The following CES4A variants were observed in gnomAD, a reference collection of about 807,000 sequenced individuals.
CES4A encodes the protein carboxylesterase 6.
Under a neutral mutation model 65.4 loss-of-function variants are expected in CES4A, and 48 were observed. That is an observed-to-expected ratio of 0.73 (90% CI 0.58 to 0.93). The LOEUF is 0.93. Ranked by LOEUF, CES4A falls within the 40% of genes least tolerant of loss-of-function variation. CES4A has a pLI of 0.00. For missense variants in CES4A, 685 were observed against 728.5 expected, an observed-to-expected ratio of 0.94 and a Z score of 0.69; for synonymous variants, 247 against 281.8, an observed-to-expected ratio of 0.88 and a Z score of 1.24.
At chr16:67,004,563 A>G (rs1965604816) in intron 9 of CES4A, among the ~76,000 whole-genome samples, 1 of 152,100 alleles carries the variant, frequency 6.6e-6, no homozygotes, top group African/African-American at 2.4e-5. Context: ...AGATGCCCCA[A>G]CTCAGGATGG....
intron 1 of CES4A, among the ~76,000 whole-genome samples, chr16:66,989,586 A>G (rs1964213442): frequency 6.6e-6 from 1 of 151,992 alleles, no homozygotes; most frequent in South Asian, 2.1e-4. Context: ...TTTTTAACTT[A>G]CAAGGATACA....
rs1045431498 is a variant in CES4A, at chr16:66,988,637, C to G, written c.-136C>G. Reference sequence around the variant, plus strand: ...AGAAGCTGGTTACAATTCCTCCCGCCCCAGTACTTGCTGGCAGGGATTAAG... The same window carrying G: ...AGAAGCTGGTTACAATTCCTCCCGCGCCAGTACTTGCTGGCAGGGATTAAG... On this transcript the variant is annotated 5_prime_UTR_variant, in exon 1 of 14. Coordinates refer to ENST00000648724, the Ensembl canonical transcript of CES4A. 12 of 1,495,120 alleles carry G rather than the reference C, an allele frequency of 8.0e-6. No individual in the cohort carries two copies. The African/African-American group carries it at 1.7e-4, about 21-fold the overall frequency. The allele number at this position is 1,495,120 out of a possible 1,614,324, so 92.6% of individuals were successfully genotyped here.
At chr16:67,008,722 T>A (rs542381806) in intron 13 of CES4A, 1 of 431,322 alleles carries the variant, frequency 2.3e-6, no homozygotes, top group African/African-American at 2.0e-5. Flanking sequence ...TGTTTTTACC[T>A]AACTCTTGAC....
chr16:66,994,277 C>T (rs1165512028), intron 1 of CES4A, among the ~76,000 whole-genome samples: 1 of 147,118 alleles, frequency 6.8e-6, no homozygotes. Context: ...CACTCTGTTG[C>T]CCAGGCTGGA....
At chr16:66,993,228 A>G (rs1964534391) in intron 1 of CES4A, among the ~76,000 whole-genome samples, 1 of 152,200 alleles carries the variant, frequency 6.6e-6, no homozygotes, top group African/African-American at 2.4e-5. Context: ...TGTGCGTGTA[A>G]TAAGTATGCT....
chr16:67,002,463 G>T (rs1233844328), intron 5 of CES4A, among the ~76,000 whole-genome samples: 1 of 152,130 alleles, frequency 6.6e-6, no homozygotes, highest in Admixed American at 6.6e-5. Flanking sequence ...TCTAAAGCAG[G>T]GGCAGGAAAG....
At chr16:67,005,148 TG>T in intron 10 of CES4A, 91 bp from the exon 11 acceptor site, 2 of 1,364,812 alleles carry the variant, frequency 1.5e-6, no homozygotes, top group Non-Finnish European at 2.1e-6. Flanking sequence ...CAAAAACTCC[TG>T]GGGGGCTGAG....
intron 2 of CES4A, among the ~76,000 whole-genome samples, chr16:66,999,806 A>G (rs757436122): frequency 6.6e-6 from 1 of 152,186 alleles, no homozygotes; most frequent in Non-Finnish European, 1.5e-5. Context: ...GTCTCAAAAA[A>G]ATAAGTGGAC....
chr16:67,002,403 G>A (rs547036391), intron 5 of CES4A, among the ~76,000 whole-genome samples: 1 of 152,314 alleles, frequency 6.6e-6, no homozygotes, highest in Admixed American at 6.5e-5. Context: ...GCTACTGGGA[G>A]GGGCAGGGAT....
At chr16:66,995,885 G>T (rs1454593656) in intron 2 of CES4A, 56 bp downstream of exon 2, 2 of 1,514,868 alleles carry the variant, frequency 1.3e-6, no homozygotes, top group African/African-American at 1.4e-5. Flanking sequence ...GCCTGCATCT[G>T]GGTGGGGCTT....
At chr16:67,004,309 GCTGGGCA>G in intron 9 of CES4A, 85 bp downstream of exon 9, 1 of 1,494,426 alleles carries the variant, frequency 6.7e-7, no homozygotes, top group Admixed American at 1.7e-5. Context: ...CTTGGACGGT[GCTGGGCA>G]CCAGGTCAGA....
rs139875929 is a variant in CES4A, at chr16:67,006,036, AG to A, written c.1316-345del. On this transcript the variant is annotated intron_variant, in intron 11 of 13. Coordinates refer to ENST00000648724, the Ensembl canonical transcript of CES4A. ...GGGGAACATGTGGGTAACAGGTTAA[AG>A]GGGGGGGGGCTGGAAAATGCAGACA... 1,972 of 208,920 alleles carry A rather than the reference AG, an allele frequency of 9.4e-3. 2 individuals carry two copies. Among genetic ancestry groups the A allele is most frequent in the South Asian group, 0.013 (177 of 14,138 alleles). The allele number at this position is 208,920 out of a possible 1,614,324, so 12.9% of individuals were successfully genotyped here.
chr16:66,997,148 T>C (rs1964921539), intron 2 of CES4A, among the ~76,000 whole-genome samples: 1 of 151,844 alleles, frequency 6.6e-6, no homozygotes, highest in South Asian at 2.1e-4. Flanking sequence ...TGTCAGAACA[T>C]TGGCTGTCAC....
In CES4A at chr16:67,001,056, G is replaced by A; in HGVS notation, c.536+66G>A. 9.0e-7 allele frequency: 1 copy of A among 1,115,492 alleles called. No homozygotes were observed. The highest frequency in any genetic ancestry group is 2.1e-5 in the Admixed American group (1 of 46,908). The allele number at this position is 1,115,492 out of a possible 1,614,324, so 69.1% of individuals were successfully genotyped here. A position where few individuals can be genotyped will look rare whatever the true frequency, so the allele number is the denominator to read the frequency against. ...GAGCGGCGGGGACTGGGTGGGAAGGGAGGGGCGGGGCCTGGGGCGGGGATG... is the reference window on the plus strand; with the variant it reads ...GAGCGGCGGGGACTGGGTGGGAAGGAAGGGGCGGGGCCTGGGGCGGGGATG... On this transcript the variant is annotated intron_variant, in intron 4 of 13. Transcript: ENST00000648724. This position sits in a 1 kb window ranked among gnomAD's most constrained non-coding sequence, Gnocchi z 4.1.
Position 66,988,834 on chromosome 16 carries a change from A to G in CES4A, c.58+4A>G, listed in dbSNP as rs554152766. On this transcript the variant is annotated splice_donor_region_variant and intron_variant, in intron 1 of 13. Transcript: ENST00000648724. ...CTGATGGCGCAGACGGCCTTGGGTAAGACCCCCACCCCTTCCCGAGAGTGT... is the reference window on the plus strand; with the variant it reads ...CTGATGGCGCAGACGGCCTTGGGTAGGACCCCCACCCCTTCCCGAGAGTGT... 1.3e-6 allele frequency: 2 copies of G among 1,563,166 alleles called. No homozygotes were observed. Among genetic ancestry groups the G allele is most frequent in the Admixed American group, 3.7e-5 (2 of 54,144 alleles).
chr16:67,009,939 A>G (rs1220525735), downstream of CES4A, among the ~76,000 whole-genome samples: 1 of 152,086 alleles, frequency 6.6e-6, no homozygotes, highest in Non-Finnish European at 1.5e-5. Flanking sequence ...CCCTCAGGAC[A>G]GCCACACCCC....
intron 11 of CES4A, 143 bp from the exon 12 acceptor site, chr16:67,006,248 C>A: frequency 2.6e-6 from 2 of 782,780 alleles, no homozygotes; most frequent in Non-Finnish European, 4.0e-6. Context: ...ATGAGTAGTG[C>A]AGACAGGATT....
At chr16:66,999,534 G>A (rs1965116422) in intron 2 of CES4A, among the ~76,000 whole-genome samples, 1 of 152,230 alleles carries the variant, frequency 6.6e-6, no homozygotes, top group Non-Finnish European at 1.5e-5. Context: ...AGGCATGGTG[G>A]CTCATGCCTA....
chr16:66,995,340 T>TAA (rs1271336399), intron 1 of CES4A, among the ~76,000 whole-genome samples: 5 of 151,352 alleles, frequency 3.3e-5, no homozygotes, highest in African/African-American at 1.2e-4. Context: ...AATAAATAAA[T>TAA]ATAAATAAAT....
Sources: allele counts gnomAD v4.1 joint callset (sites outside exome capture counted in the v4.1 genomes callset), GRCh38; gene constraint gnomAD v4.1.1; non-coding constraint Gnocchi (gnomAD v3.1); transcripts MANE v1.5; gene names NCBI Gene and HGNC (gene_info 2026-07-23, HGNC 2026-07-21).